The following METTL15 variants were observed in gnomAD, a reference collection of about 807,000 sequenced individuals.
METTL15 encodes methyltransferase 15, mitochondrial 12S rRNA N4-cytidine, also known as 12S rRNA N(4)-cytidine methyltransferase METTL15.
METTL15 carries 34 observed loss-of-function variants against 38.3 expected under a neutral mutation model. That is an observed-to-expected ratio of 0.89 (90% CI 0.68 to 1.18). The LOEUF (loss-of-function observed/expected upper bound fraction) is 1.18. Ranked by LOEUF, METTL15 falls within the 50% of genes most tolerant of loss-of-function variation. The pLI is 0.00. For missense variants in METTL15, 438 were observed against 498.4 expected, an observed-to-expected ratio of 0.88 and a Z score of 1.15; for synonymous variants, 162 against 170.9, an observed-to-expected ratio of 0.95 and a Z score of 0.41.
intron 4 of METTL15, among the ~76,000 whole-genome samples, chr11:28,353,652 G>A (rs1454287742): frequency 3.3e-5 from 5 of 152,134 alleles, no homozygotes; most frequent in African/African-American, 7.2e-5. Flanking sequence ...TCGGCCGGGC[G>A]CGGTGGCTCA....
chr11:28,460,154 A>G (rs1343290637), intron 6 of METTL15, among the ~76,000 whole-genome samples: 2 of 151,990 alleles, frequency 1.3e-5, no homozygotes, highest in African/African-American at 4.8e-5. Context: ...TGTAACATTT[A>G]CCAGTTGGAG....
At chr11:28,314,575 C>T (rs1025419662) in intron 6 of METTL15, among the ~76,000 whole-genome samples, 30 of 152,290 alleles carry the variant, frequency 2.0e-4, no homozygotes, top group Middle Eastern at 3.4e-3. Flanking sequence ...CTCAATCACT[C>T]GTGAAATATC....
chr11:28,134,145 A>G (rs996878454), intron 3 of METTL15, among the ~76,000 whole-genome samples: 1 of 152,140 alleles, frequency 6.6e-6, no homozygotes, highest in African/African-American at 2.4e-5. Context: ...TAGCTCAGCA[A>G]GGTCCATGTT....
intron 5 of METTL15, among the ~76,000 whole-genome samples, chr11:28,421,348 TC>T (rs373165654): frequency 9.9e-4 from 151 of 152,002 alleles, no homozygotes; most frequent in African/African-American, 1.9e-3. Context: ...AAGTAATACT[TC>T]CAAACTCATT....
chr11:28,407,056 GC>G (rs1850680373), intron 5 of METTL15, among the ~76,000 whole-genome samples: 1 of 152,150 alleles, frequency 6.6e-6, no homozygotes, highest in African/African-American at 2.4e-5. Flanking sequence ...TGGTCGATAA[GC>G]TTTTGATGTG....
At chr11:28,401,797 C>A (rs924687268) in intron 5 of METTL15, among the ~76,000 whole-genome samples, 1 of 151,890 alleles carries the variant, frequency 6.6e-6, no homozygotes, top group African/African-American at 2.4e-5. Context: ...CAAATTACTT[C>A]GATAGCAAGA....
intron 4 of METTL15, among the ~76,000 whole-genome samples, chr11:28,255,039 C>T (rs1234901372): frequency 6.6e-6 from 1 of 152,138 alleles, no homozygotes; most frequent in Non-Finnish European, 1.5e-5. Flanking sequence ...TGCATCGAAT[C>T]TGTAGATCGC....
intron 3 of METTL15, among the ~76,000 whole-genome samples, chr11:28,162,441 C>T (rs1308596033): frequency 2.0e-5 from 3 of 151,982 alleles, no homozygotes; most frequent in Admixed American, 1.3e-4. Context: ...TGTTGCAAAG[C>T]CCAAGAAAAT....
At chr11:28,252,551 A>G (rs1272959353) in intron 4 of METTL15, among the ~76,000 whole-genome samples, 1 of 152,070 alleles carries the variant, frequency 6.6e-6, no homozygotes, top group Non-Finnish European at 1.5e-5. Flanking sequence ...TTTAGTTGTA[A>G]TGAAGTATCT....
At chr11:28,465,456 T>G (rs1851249357) in intron 6 of METTL15, among the ~76,000 whole-genome samples, 1 of 152,224 alleles carries the variant, frequency 6.6e-6, no homozygotes, top group South Asian at 2.1e-4. Flanking sequence ...CTAGTTTCCC[T>G]TCTGACTTCC....
chr11:28,205,075 C>G (rs1315535268), intron 3 of METTL15, among the ~76,000 whole-genome samples: 1 of 151,492 alleles, frequency 6.6e-6, no homozygotes, highest in Non-Finnish European at 1.5e-5. Context: ...AAAAATTGAC[C>G]AGTTGCTATA....
chr11:28,394,514 T>A (rs571275980), intron 5 of METTL15, among the ~76,000 whole-genome samples: 5 of 152,052 alleles, frequency 3.3e-5, no homozygotes, highest in Admixed American at 3.3e-4. Flanking sequence ...AGGAGTGTGG[T>A]CTTGGAGGTG....
chr11:28,222,607 A>T (rs1160827368), intron 4 of METTL15, among the ~76,000 whole-genome samples: 1 of 152,134 alleles, frequency 6.6e-6, no homozygotes, highest in Non-Finnish European at 1.5e-5. Flanking sequence ...CTGGTACCTC[A>T]GTTGGAAGTG....
chr11:28,227,796 G>A (rs1240287161), intron 4 of METTL15, among the ~76,000 whole-genome samples: 1 of 151,888 alleles, frequency 6.6e-6, no homozygotes, highest in Non-Finnish European at 1.5e-5. Context: ...AATTGGAAAG[G>A]ATTCAGTGAG....
chr11:28,137,290 C>T (rs1849547135), intron 3 of METTL15, among the ~76,000 whole-genome samples: 2 of 152,180 alleles, frequency 1.3e-5, no homozygotes, highest in African/African-American at 4.8e-5. Context: ...TTTGTTTAAA[C>T]CTTCAGCTTT....
chr11:28,198,104 G>A (rs764649209), intron 3 of METTL15, among the ~76,000 whole-genome samples: 5 of 152,022 alleles, frequency 3.3e-5, no homozygotes, highest in African/African-American at 4.8e-5. Context: ...TGTCCAGTAT[G>A]GGTTATGTGA....
At chr11:28,394,545 A>G (rs1403091919) in intron 5 of METTL15, among the ~76,000 whole-genome samples, 1 of 152,104 alleles carries the variant, frequency 6.6e-6, no homozygotes, top group Non-Finnish European at 1.5e-5. Context: ...AAAGTTCTCA[A>G]TACTAAAAAA....
chr11:28,270,193 G>T (rs977007366), intron 4 of METTL15, among the ~76,000 whole-genome samples: 43 of 151,882 alleles, frequency 2.8e-4, no homozygotes, highest in African/African-American at 9.9e-4. Flanking sequence ...TTAAAATATG[G>T]CATCTGATCA....
intron 4 of METTL15, among the ~76,000 whole-genome samples, chr11:28,356,354 G>A (rs749276609): frequency 3.3e-5 from 5 of 152,160 alleles, no homozygotes; most frequent in Non-Finnish European, 7.3e-5. Context: ...ACAGTGCCTG[G>A]CATGCAGTAG....
Sources: gnomAD v4.1 joint callset for allele counts (sites outside exome capture counted in the v4.1 genomes callset) on GRCh38, gnomAD v4.1.1 for gene constraint, MANE v1.5 for transcripts, NCBI Gene and HGNC (gene_info 2026-07-23, HGNC 2026-07-21) for gene names.